Variants in NRG1 observed in about 807,000 individuals in gnomAD.
NRG1 encodes the protein neuregulin 1, also known as pro-neuregulin-1, membrane-bound isoform.
Under a neutral mutation model 63.8 loss-of-function variants are expected in NRG1, and 18 were observed. The ratio of observed to expected loss-of-function variants is 0.28; its 90% CI spans 0.19 to 0.42. The LOEUF is 0.42. Among genes scored for constraint, NRG1 ranks in the 10% least tolerant of loss-of-function variants. The probability of loss-of-function intolerance (pLI) is 1.00; values close to 1 mark genes in which losing one functional copy is unlikely to be tolerated. For synonymous variants in NRG1, 302 were observed against 301.3 expected, an observed-to-expected ratio of 1.00 and a Z score of -0.02; for missense variants, 762 against 814.7, an observed-to-expected ratio of 0.94 and a Z score of 0.79.
intron 5 of NRG1, among the ~76,000 whole-genome samples, chr8:32,716,826 GT>G (rs1204988010): frequency 1.4e-5 from 2 of 147,822 alleles, no homozygotes; most frequent in Non-Finnish European, 3.0e-5. Flanking sequence ...ATGTGCGTGT[GT>G]GTGTGTGTGT....
At chr8:32,218,994 G>A (rs1174396307) in intron 1 of NRG1, among the ~76,000 whole-genome samples, 1 of 152,130 alleles carries the variant, frequency 6.6e-6, no homozygotes, top group African/African-American at 2.4e-5. Flanking sequence ...CCTGTGCCAG[G>A]TGTTATTAGA....
intron 1 of NRG1, among the ~76,000 whole-genome samples, chr8:32,291,255 T>C (rs1854162086): frequency 6.6e-6 from 1 of 152,156 alleles, no homozygotes; most frequent in Non-Finnish European, 1.5e-5. Flanking sequence ...AAAGCCACCC[T>C]CACAGAAACA....
intron 1 of NRG1, among the ~76,000 whole-genome samples, chr8:31,997,406 A>G: frequency 6.6e-6 from 1 of 151,952 alleles, no homozygotes; most frequent in Admixed American, 6.6e-5. Context: ...TGGCTAGGCA[A>G]TAGGGTGCAA....
intron 1 of NRG1, among the ~76,000 whole-genome samples, chr8:31,688,257 T>G (rs959710674): frequency 2.0e-5 from 3 of 152,086 alleles, no homozygotes; most frequent in Admixed American, 1.3e-4. Context: ...GGTAGGACCT[T>G]TGGAAGATGA....
In NRG1 at chr8:32,258,661, T is replaced by C. The variant is rs569957873; in HGVS notation, c.38-337167T>C. On this transcript the variant is annotated intron_variant, in intron 1 of 10. Coordinates refer to the NRG1 transcript ENST00000519301. Reference sequence around the variant, plus strand: ...TGAAGGAGGAACTGTCAAACACTTATAAAACCATCAGATCTCGTGAGAACT... The same window carrying C: ...TGAAGGAGGAACTGTCAAACACTTACAAAACCATCAGATCTCGTGAGAACT... Among the ~76,000 whole-genome samples, 22 of 152,242 alleles carry C rather than the reference T, an allele frequency of 1.4e-4. No individual in the cohort carries two copies. In the South Asian group the frequency reaches 4.3e-3, roughly 30 times the overall value.
At chr8:31,879,062 A>G (rs1830147713) in intron 1 of NRG1, among the ~76,000 whole-genome samples, 1 of 152,170 alleles carries the variant, frequency 6.6e-6, no homozygotes. Context: ...GCTGTATTCC[A>G]TTGGTGACAA....
intron 1 of NRG1, among the ~76,000 whole-genome samples, chr8:32,581,260 G>T (rs1840578111): frequency 6.6e-6 from 1 of 152,176 alleles, no homozygotes; most frequent in Non-Finnish European, 1.5e-5. Flanking sequence ...CATGAATAAG[G>T]CAGGATCTAG....
intron 1 of NRG1, among the ~76,000 whole-genome samples, chr8:32,335,355 G>A (rs1342335315): frequency 1.3e-5 from 2 of 152,238 alleles, no homozygotes; most frequent in South Asian, 2.1e-4. Flanking sequence ...AAACAATTGT[G>A]ATTAAGGAGT....
intron 1 of NRG1, among the ~76,000 whole-genome samples, chr8:32,452,800 T>A (rs947505019): frequency 1.1e-4 from 16 of 152,340 alleles, no homozygotes; most frequent in Middle Eastern, 3.4e-3. Context: ...TATGTAAGAA[T>A]AAGAAATACT....
At chr8:32,579,195 CTTTTTTTTT>C (rs71208196) in intron 1 of NRG1, among the ~76,000 whole-genome samples, 8 of 105,430 alleles carry the variant, frequency 7.6e-5, no homozygotes, top group African/African-American at 1.7e-4. Flanking sequence ...TTTCTTCTGT[CTTTTTTTTT>C]TTTTTTTTTT....
intron 1 of NRG1, among the ~76,000 whole-genome samples, chr8:32,540,190 G>C (rs1401665743): frequency 6.6e-6 from 1 of 152,100 alleles, no homozygotes; most frequent in Non-Finnish European, 1.5e-5. Flanking sequence ...GCAGGATAAA[G>C]GAAGGAGAGT....
intron 5 of NRG1, among the ~76,000 whole-genome samples, chr8:32,716,474 A>G (rs1049800502): frequency 6.6e-6 from 1 of 152,208 alleles, no homozygotes; most frequent in Non-Finnish European, 1.5e-5. Flanking sequence ...ATGTTTTAAA[A>G]GAAGCAGGGG....
intron 1 of NRG1, among the ~76,000 whole-genome samples, chr8:31,727,561 A>G (rs568112042): frequency 2.4e-4 from 36 of 152,288 alleles, no homozygotes; most frequent in African/African-American, 8.2e-4. Flanking sequence ...TCCTCTTTCA[A>G]TTCTTCAAAT....
intron 1 of NRG1, among the ~76,000 whole-genome samples, chr8:32,565,814 T>G (rs1223551532): frequency 6.6e-6 from 1 of 152,226 alleles, no homozygotes; most frequent in Non-Finnish European, 1.5e-5. Context: ...CCTTGGTTCC[T>G]TCTGTGCTTG....
intron 1 of NRG1, among the ~76,000 whole-genome samples, chr8:32,426,861 C>A (rs1817442770): frequency 6.6e-6 from 1 of 152,194 alleles, no homozygotes; most frequent in African/African-American, 2.4e-5. Flanking sequence ...CGATAAAGAT[C>A]AGTTGCTGTT....
At chr8:31,679,385 A>C (rs1808086415) in intron 1 of NRG1, among the ~76,000 whole-genome samples, 1 of 152,234 alleles carries the variant, frequency 6.6e-6, no homozygotes. Context: ...TAAACTTCCC[A>C]AAAACAAGGA....
chr8:32,755,149 GAGAGAAAACATT>G (rs1173161143), intron 8 of NRG1, among the ~76,000 whole-genome samples: 1 of 152,146 alleles, frequency 6.6e-6, no homozygotes, highest in African/African-American at 2.4e-5. Flanking sequence ...GAAAACATAA[GAGAGAAAACATT>G]AGAATAGATT....
intron 1 of NRG1, among the ~76,000 whole-genome samples, chr8:32,362,766 C>T (rs1334990950): frequency 6.6e-6 from 1 of 152,128 alleles, no homozygotes. Flanking sequence ...ATTTATAAAG[C>T]AGAAGTTGTA....
chr8:32,281,171 T>C (rs924315899), intron 1 of NRG1, among the ~76,000 whole-genome samples: 8 of 141,794 alleles, frequency 5.6e-5, no homozygotes, highest in African/African-American at 2.2e-4. Context: ...TAGTACCCAA[T>C]AGGTAGTTTT....
Sources: allele counts gnomAD v4.1 joint callset (sites outside exome capture counted in the v4.1 genomes callset), GRCh38; gene constraint gnomAD v4.1.1; transcripts MANE v1.5; gene names NCBI Gene and HGNC (gene_info 2026-07-23, HGNC 2026-07-21).